Variants in SHISAL2B observed in about 807,000 individuals in gnomAD.
SHISAL2B encodes the protein protein shisa-like-2B.
SHISAL2B carries 12 observed loss-of-function variants against 16.5 expected under a neutral mutation model. The ratio of observed to expected loss-of-function variants is 0.73; its 90% CI spans 0.47 to 1.18. The LOEUF (loss-of-function observed/expected upper bound fraction) is 1.18. Ranked by LOEUF, SHISAL2B falls within the 50% of genes most tolerant of loss-of-function variation. The pLI is 0.00. For synonymous variants in SHISAL2B, 72 were observed against 75.0 expected (o/e 0.96, Z 0.21); for missense variants, 183 against 193.6 (o/e 0.95, Z 0.33).
chr5:64,705,102 A>T (rs1380714419), intron 2 of SHISAL2B, among the ~76,000 whole-genome samples: 1 of 152,222 alleles, frequency 6.6e-6, no homozygotes, highest in African/African-American at 2.4e-5. Context: ...GGTTAGAAAG[A>T]TCCAATAGCC....
chr5:64,691,615 T>A (rs1450611934), intron 1 of SHISAL2B: 1 of 152,138 alleles, frequency 6.6e-6, no homozygotes, highest in Admixed American at 6.5e-5. Flanking sequence ...TAAGGTGAGG[T>A]CTTTCTTGTT....
rs1742079738 is a variant in SHISAL2B, at chr5:64,717,878, T to C, written c.350-11T>C. The C allele has an allele frequency of 6.7e-7, 1 of 1,500,266 alleles. No homozygotes were observed. Among genetic ancestry groups the C allele is most frequent in the East Asian group, 2.5e-5 (1 of 40,118 alleles). The allele number at this position is 1,500,266 out of a possible 1,614,324, so 92.9% of individuals were successfully genotyped here. A position where few individuals can be genotyped will look rare whatever the true frequency, so the allele number is the denominator to read the frequency against. On this transcript the variant is annotated splice_polypyrimidine_tract_variant and intron_variant, in intron 2 of 2. Coordinates refer to ENST00000389074, the MANE Select transcript of SHISAL2B (RefSeq NM_001164442.2). ...AATTTCAAATAATTATTTTGTTTTG[T>C]GTATCTGCAGGCAAGTCAAATGGAA... is the stretch of plus-strand genomic sequence containing the variant.
At chr5:64,696,961 C>T (rs1741747384) in intron 2 of SHISAL2B, among the ~76,000 whole-genome samples, 1 of 152,122 alleles carries the variant, frequency 6.6e-6, no homozygotes, top group Non-Finnish European at 1.5e-5. Flanking sequence ...TATTCGTATA[C>T]CCCCTCCCCT....
At chr5:64,697,968 T>C (rs1444264004) in intron 2 of SHISAL2B, among the ~76,000 whole-genome samples, 1 of 152,216 alleles carries the variant, frequency 6.6e-6, no homozygotes, top group African/African-American at 2.4e-5. Flanking sequence ...CCAAGATTCC[T>C]TGAAAGTTCT....
chr5:64,690,685 CCTTCCAGTGCCCCCGGCGCGGCGA>C lies in SHISAL2B; in HGVS notation c.63_86del (p.Phe22_Glu29del). The stretch of plus-strand genomic sequence containing the variant: ...AGCCTCAACCAGAGCTTCGTGGAGC[CCTTCCAGTGCCCCCGGCGCGGCGA>C]GGGGGCAGCGCTCCAGTATTGCTGC... On this transcript the variant is annotated inframe_deletion, in exon 1 of 3. Transcript: ENST00000389074. 6.5e-7 allele frequency: 1 copy of C among 1,534,804 alleles called. No individual in the cohort carries two copies. The highest frequency in any genetic ancestry group is 2.0e-5 in the Admixed American group (1 of 50,892).
intron 1 of SHISAL2B, among the ~76,000 whole-genome samples, chr5:64,692,669 T>A (rs1183680166): frequency 6.6e-6 from 1 of 152,184 alleles, no homozygotes; most frequent in East Asian, 1.9e-4. Flanking sequence ...GTAAGTGAAC[T>A]TCCTAAGTAG....
intron 2 of SHISAL2B, 86 bp from the exon 3 acceptor site, chr5:64,717,803 C>T: frequency 2.5e-6 from 3 of 1,194,240 alleles, no homozygotes; most frequent in Non-Finnish European, 3.4e-6. Flanking sequence ...TTCAATATTG[C>T]TACAAAAATT....
chr5:64,695,450 A>G, intron 1 of SHISAL2B, 57 bp from the exon 2 acceptor site: 2 of 1,212,386 alleles, frequency 1.6e-6, no homozygotes, highest in Non-Finnish European at 1.1e-6. Context: ...CCTTCTCTTT[A>G]GTTGAACCAG....
chr5:64,698,940 G>A (rs192644737), intron 2 of SHISAL2B, among the ~76,000 whole-genome samples: 24 of 152,200 alleles, frequency 1.6e-4, no homozygotes, highest in African/African-American at 4.6e-4. Context: ...TCTATACAAC[G>A]CACTGTGCTA....
chr5:64,698,521 C>T (rs2112059509), intron 2 of SHISAL2B, among the ~76,000 whole-genome samples: 1 of 152,310 alleles, frequency 6.6e-6, no homozygotes, highest in African/African-American at 2.4e-5. Context: ...GCTTTTCCCT[C>T]AGATATCTGC....
intron 2 of SHISAL2B, among the ~76,000 whole-genome samples, chr5:64,715,065 C>G (rs1221932464): frequency 6.6e-6 from 1 of 152,184 alleles, no homozygotes; most frequent in Non-Finnish European, 1.5e-5. Context: ...TGGCTCCCCC[C>G]ACCGACATCT....
chr5:64,697,737 T>G (rs766415999), intron 2 of SHISAL2B, among the ~76,000 whole-genome samples: 2 of 152,172 alleles, frequency 1.3e-5, no homozygotes, highest in Non-Finnish European at 2.9e-5. Flanking sequence ...GCTTACTTGC[T>G]TCCATGTAAA....
chr5:64,702,356 A>T (rs957709569), intron 2 of SHISAL2B, among the ~76,000 whole-genome samples: 1 of 152,022 alleles, frequency 6.6e-6, no homozygotes, highest in African/African-American at 2.4e-5. Context: ...ATGAGCCACC[A>T]CGCCAGGCTA....
Position 64,709,008 on chromosome 5 carries a change from T to A in SHISAL2B, c.350-8881T>A, listed in dbSNP as rs138384043. Among the ~76,000 whole-genome samples, 434 of 152,188 alleles carry A rather than the reference T, an allele frequency of 2.9e-3. 6 individuals carry two copies. Among genetic ancestry groups the A allele is most frequent in the East Asian group, 0.014 (75 of 5,180 alleles). On this transcript the variant is annotated intron_variant, in intron 2 of 2. Coordinates refer to ENST00000389074, the MANE Select transcript of SHISAL2B (RefSeq NM_001164442.2). ...ATGTTTCAGTCTTATGGGTAAGATA[T>A]GGAAGCTGCAGTGAGACATCTTTCT... is the stretch of plus-strand genomic sequence containing the variant.
At chr5:64,706,015 G>A (rs1741871220) in intron 2 of SHISAL2B, among the ~76,000 whole-genome samples, 1 of 152,166 alleles carries the variant, frequency 6.6e-6, no homozygotes, top group African/African-American at 2.4e-5. Flanking sequence ...AAAAAAATTA[G>A]CTGAGCATGT....
intron 2 of SHISAL2B, among the ~76,000 whole-genome samples, chr5:64,714,855 C>A (rs969772108): frequency 2.0e-5 from 3 of 152,124 alleles, no homozygotes; most frequent in Admixed American, 1.3e-4. Flanking sequence ...ACTCTCTGAC[C>A]CCTTGCGCTT....
chr5:64,698,006 A>G (rs575895973), intron 2 of SHISAL2B, among the ~76,000 whole-genome samples: 1 of 152,224 alleles, frequency 6.6e-6, no homozygotes, highest in Non-Finnish European at 1.5e-5. Context: ...TGGAGATTGC[A>G]TGGCCAAAAT....
At chr5:64,710,026 A>G (rs1741936563) in intron 2 of SHISAL2B, among the ~76,000 whole-genome samples, 3 of 148,530 alleles carry the variant, frequency 2.0e-5, no homozygotes. Flanking sequence ...GCTGTGCAGA[A>G]GCTCTTTAGT....
chr5:64,693,296 C>T (rs1016773468), intron 1 of SHISAL2B, among the ~76,000 whole-genome samples: 3 of 152,070 alleles, frequency 2.0e-5, no homozygotes, highest in Admixed American at 1.3e-4. Flanking sequence ...CGTGAGCCAC[C>T]GCGCCCAGCC....
Sources: gnomAD v4.1 joint callset for allele counts (sites outside exome capture counted in the v4.1 genomes callset) on GRCh38, gnomAD v4.1.1 for gene constraint, MANE v1.5 for transcripts, NCBI Gene and HGNC (gene_info 2026-07-23, HGNC 2026-07-21) for gene names.